The following SNX18 variants were observed in gnomAD, a reference collection of about 807,000 sequenced individuals.
SNX18 encodes the protein sorting nexin 18, also known as sorting nexin-18.
In SNX18, 35 loss-of-function variants were observed where a neutral mutation model predicts 48.7. That is an observed-to-expected ratio of 0.72 (90% CI 0.55 to 0.95). The LOEUF is 0.95. Ranked by LOEUF, SNX18 falls within the 40% of genes least tolerant of loss-of-function variation. The pLI is 0.00. For missense variants in SNX18, 824 were observed against 871.0 expected (o/e 0.95, Z 0.68); for synonymous variants, 492 against 384.7 (o/e 1.28, Z -3.26).
At chr5:54,534,533 C>T (rs980689953) in intron 1 of SNX18, among the ~76,000 whole-genome samples, 18 of 151,738 alleles carry the variant, frequency 1.2e-4, no homozygotes, top group African/African-American at 4.4e-4. Context: ...GTTAAAATGG[C>T]TGAGGCAGTA....
At chr5:54,572,530 A>G in the SNX18 span, among the ~76,000 whole-genome samples, 5 of 151,954 alleles carry the variant, frequency 3.3e-5, no homozygotes, top group Admixed American at 3.3e-4. Flanking sequence ...AAAGTATGCC[A>G]AATACTAGAG....
chr5:54,644,970 G>A, the SNX18 span: 3 of 152,244 alleles, frequency 2.0e-5, no homozygotes, highest in East Asian at 3.8e-4. Flanking sequence ...GAGCTTGTTA[G>A]AAAGGCAGCT....
intron 1 of SNX18, chr5:54,520,112 C>A: frequency 2.7e-6 from 1 of 373,646 alleles, no homozygotes; most frequent in Non-Finnish European, 5.1e-6. Context: ...TTCTTGCCTG[C>A]AACCTTTACG....
At chr5:54,541,002 AC>A (rs1762458255) in intron 1 of SNX18, among the ~76,000 whole-genome samples, 1 of 151,544 alleles carries the variant, frequency 6.6e-6, no homozygotes, top group Non-Finnish European at 1.5e-5. Context: ...TTTACCTGTT[AC>A]ACTTTCCTGG....
chr5:54,593,213 G>T, the SNX18 span, among the ~76,000 whole-genome samples: 1 of 152,192 alleles, frequency 6.6e-6, no homozygotes, highest in African/African-American at 2.4e-5. Context: ...AATTTTAATT[G>T]TAGACATTTT....
the SNX18 span, among the ~76,000 whole-genome samples, chr5:54,621,959 A>G: frequency 6.6e-6 from 1 of 152,216 alleles, no homozygotes; most frequent in Non-Finnish European, 1.5e-5. Context: ...GGCTGTGGGA[A>G]TTTGACCGCT....
the SNX18 span, among the ~76,000 whole-genome samples, chr5:54,628,730 T>C: frequency 6.6e-6 from 1 of 152,012 alleles, no homozygotes; most frequent in African/African-American, 2.4e-5. Flanking sequence ...CTTGAGCCCC[T>C]AGCTCCTGGA....
the SNX18 span, among the ~76,000 whole-genome samples, chr5:54,623,378 C>T: frequency 4.6e-5 from 7 of 152,106 alleles, no homozygotes; most frequent in Non-Finnish European, 8.8e-5. Flanking sequence ...TCACGAGTGT[C>T]TTCAAGAGCT....
intron 1 of SNX18, among the ~76,000 whole-genome samples, chr5:54,534,955 A>C (rs1247039846): frequency 6.6e-6 from 1 of 152,208 alleles, no homozygotes; most frequent in African/African-American, 2.4e-5. Context: ...GAAATAGTTT[A>C]ATGATATGCT....
intron 1 of SNX18, among the ~76,000 whole-genome samples, chr5:54,539,966 G>T (rs1003344307): frequency 7.9e-5 from 12 of 151,940 alleles, no homozygotes; most frequent in Admixed American, 6.5e-4. Context: ...CCGCCTCCCG[G>T]GTTGAAGTGA....
Position 54,518,477 on chromosome 5 carries a change from A to T in SNX18, c.525A>T (p.Ala175=). The stretch of plus-strand genomic sequence containing the variant: ...AGCCGGGCGCTCTGGGCAGCGGAGC[A>T]TACCCGGACCTCGACGGCTCGTCTT... ...ADEPGALGSG[A]YPDLDGSSSA... is the part of the protein sequence containing the mutation. Residue 175 remains alanine, a synonymous_variant, in exon 1 of 2, where the codon GCA becomes GCT. Transcript: ENST00000381410. 1 of 1,571,288 alleles carries T rather than the reference A, an allele frequency of 6.4e-7. No homozygotes were observed. Among genetic ancestry groups the T allele is most frequent in the Non-Finnish European group, 8.6e-7 (1 of 1,158,904 alleles).
At chr5:54,609,014 G>A in the SNX18 span, among the ~76,000 whole-genome samples, 35 of 152,124 alleles carry the variant, frequency 2.3e-4, no homozygotes, top group Non-Finnish European at 7.3e-5. Flanking sequence ...CTAATTCCCC[G>A]TTCTTAGTGC....
Position 54,519,524 on chromosome 5 carries a change from G to A in SNX18, c.1572G>A (p.Leu524=). The change falls in exon 1 of 2, where the codon CTG becomes CTA. Residue 524 remains leucine (L), a synonymous_variant. Coordinates refer to ENST00000381410, the MANE Select transcript of SNX18 (RefSeq NM_001102575.2). ...ATCCCGTCATGGACCTATTAGCGCT[G>A]TATCAGGGGCATCTGGCTAACTTCC... ...DLDPVMDLLA[L]YQGHLANFPD... is the part of the protein sequence containing the mutation. 1 of 1,614,226 alleles carries A rather than the reference G, an allele frequency of 6.2e-7. No homozygotes were observed. The highest frequency in any genetic ancestry group is 1.1e-5 in the South Asian group (1 of 91,088).
chr5:54,572,020 G>C, the SNX18 span, among the ~76,000 whole-genome samples: 1 of 152,156 alleles, frequency 6.6e-6, no homozygotes, highest in African/African-American at 2.4e-5. Context: ...CCAAGATCTT[G>C]TTATTAGAAC....
chr5:54,623,519 A>G, the SNX18 span, among the ~76,000 whole-genome samples: 9 of 151,988 alleles, frequency 5.9e-5, no homozygotes, highest in African/African-American at 2.2e-4. Flanking sequence ...TAGATCCAGC[A>G]TAGAGAGGTA....
chr5:54,628,186 G>A, the SNX18 span, among the ~76,000 whole-genome samples: 1 of 152,204 alleles, frequency 6.6e-6, no homozygotes, highest in Non-Finnish European at 1.5e-5. Flanking sequence ...GTAGAACTGG[G>A]ATGTTATGCT....
At chr5:54,554,543 G>A in the SNX18 span, among the ~76,000 whole-genome samples, 14 of 152,250 alleles carry the variant, frequency 9.2e-5, no homozygotes, top group African/African-American at 3.4e-4. Context: ...ACATGAAAAC[G>A]TTCATTATAT....
chr5:54,527,047 G>T (rs914696871), intron 1 of SNX18, among the ~76,000 whole-genome samples: 1 of 152,082 alleles, frequency 6.6e-6, no homozygotes, highest in Non-Finnish European at 1.5e-5. Context: ...GCAAGGCCAG[G>T]TGGTTGAAGT....
the SNX18 span, among the ~76,000 whole-genome samples, chr5:54,622,705 G>A: frequency 4.6e-5 from 7 of 151,058 alleles, no homozygotes; most frequent in African/African-American, 1.7e-4. Context: ...GCTTGGCCAG[G>A]TGCTTATTCT....
Sources: allele counts gnomAD v4.1 joint callset (sites outside exome capture counted in the v4.1 genomes callset), GRCh38; gene constraint gnomAD v4.1.1; transcripts MANE v1.5; gene names NCBI Gene and HGNC (gene_info 2026-07-23, HGNC 2026-07-21).